Variants in TENM3 observed in about 807,000 individuals in gnomAD.
TENM3 encodes teneurin-3.
TENM3 carries 63 observed loss-of-function variants against 255.1 expected under a neutral mutation model. The observed-to-expected ratio is 0.25, with a 90% CI of 0.20 to 0.30. The LOEUF (loss-of-function observed/expected upper bound fraction) is 0.30, where lower values mean the gene tolerates loss of function less well. TENM3 is among the 10% of genes least tolerant of loss of function. The pLI, the probability that TENM3 is intolerant of heterozygous loss-of-function variation, is 1.00. For missense variants in TENM3, 2,929 were observed against 3,461.1 expected, an observed-to-expected ratio of 0.85 and a Z score of 3.86; for synonymous variants, 1,306 against 1,322.3, an observed-to-expected ratio of 0.99 and a Z score of 0.27.
the TENM3 span, among the ~76,000 whole-genome samples, chr4:181,549,320 C>T: frequency 6.8e-4 from 103 of 152,330 alleles, 1 homozygote; most frequent in South Asian, 0.021. Context: ...TGACTCACAT[C>T]CTCTTTATTC....
intron 3 of TENM3, among the ~76,000 whole-genome samples, chr4:182,411,073 T>TTTAGCATACA (rs1769948470): frequency 6.6e-6 from 1 of 152,030 alleles, no homozygotes; most frequent in Non-Finnish European, 1.5e-5. Context: ...CTGCTGTGAG[T>TTTAGCATACA]CCCTATCGGC....
intron 2 of TENM3, among the ~76,000 whole-genome samples, chr4:182,344,638 C>G (rs1764683819): frequency 6.6e-6 from 1 of 152,008 alleles, no homozygotes; most frequent in African/African-American, 2.4e-5. Context: ...TGTTACTGGC[C>G]TTTTATTTCT....
At chr4:181,889,446 C>T in the TENM3 span, among the ~76,000 whole-genome samples, 1 of 152,186 alleles carries the variant, frequency 6.6e-6, no homozygotes, top group Non-Finnish European at 1.5e-5. Flanking sequence ...AAATAAATCG[C>T]TTTTTCTTTA....
intron 1 of TENM3, among the ~76,000 whole-genome samples, chr4:182,183,279 C>A (rs1211907618): frequency 6.6e-6 from 1 of 152,066 alleles, no homozygotes; most frequent in East Asian, 1.9e-4. Context: ...TGAGAAGAAA[C>A]CAGAATTTTT....
intron 1 of TENM3, among the ~76,000 whole-genome samples, chr4:182,231,820 C>A (rs1278113716): frequency 6.6e-6 from 1 of 152,184 alleles, no homozygotes; most frequent in Non-Finnish European, 1.5e-5. Context: ...CAGCAGACTC[C>A]CAAAGAATTA....
the TENM3 span, among the ~76,000 whole-genome samples, chr4:181,893,705 G>A: frequency 4.6e-5 from 7 of 151,950 alleles, no homozygotes; most frequent in Admixed American, 3.3e-4. Context: ...TTAGTATTTG[G>A]TCCTGTTTCT....
chr4:181,872,115 T>A, the TENM3 span, among the ~76,000 whole-genome samples: 1 of 152,028 alleles, frequency 6.6e-6, no homozygotes, highest in African/African-American at 2.4e-5. Context: ...TTTTGTGTTT[T>A]CTTAAATAAT....
the TENM3 span, among the ~76,000 whole-genome samples, chr4:181,527,150 C>T: frequency 3.3e-5 from 5 of 152,162 alleles, no homozygotes; most frequent in African/African-American, 9.7e-5. Flanking sequence ...AATCTACAAA[C>T]TGTTTTCATG....
At chr4:182,395,242 C>T (rs1187185817) in intron 3 of TENM3, among the ~76,000 whole-genome samples, 2 of 152,098 alleles carry the variant, frequency 1.3e-5, no homozygotes, top group African/African-American at 2.4e-5. Context: ...CATTGAGCCT[C>T]CTATACAGCC....
chr4:181,760,297 T>C, the TENM3 span, among the ~76,000 whole-genome samples: 1 of 152,140 alleles, frequency 6.6e-6, no homozygotes, highest in Non-Finnish European at 1.5e-5. Flanking sequence ...AATTTAGCAG[T>C]TAAATCTGCC....
chr4:182,612,345 T>C (rs1043114736), intron 4 of TENM3, among the ~76,000 whole-genome samples: 1 of 151,920 alleles, frequency 6.6e-6, no homozygotes, highest in East Asian at 1.9e-4. Flanking sequence ...TTGTATTTAC[T>C]TAAACACACA....
the TENM3 span, among the ~76,000 whole-genome samples, chr4:181,760,924 GCTTT>G: frequency 6.7e-6 from 1 of 148,706 alleles, no homozygotes; most frequent in Non-Finnish European, 1.5e-5. Context: ...GATTATTTAT[GCTTT>G]CTTTGATTTT....
At chr4:182,145,044 C>G (rs1749848049) in intron 1 of TENM3, 1 of 152,200 alleles carries the variant, frequency 6.6e-6, no homozygotes, top group South Asian at 2.1e-4. Flanking sequence ...CCCCGGGGTC[C>G]CTGAGGAAGG....
chr4:182,611,383 T>C (rs1279261281), intron 4 of TENM3, among the ~76,000 whole-genome samples: 1 of 151,342 alleles, frequency 6.6e-6, no homozygotes, highest in African/African-American at 2.4e-5. Context: ...ATGATGTATT[T>C]AATTATTAAA....
chr4:182,301,414 C>G (rs537039438), intron 1 of TENM3, among the ~76,000 whole-genome samples: 1 of 152,194 alleles, frequency 6.6e-6, no homozygotes, highest in African/African-American at 2.4e-5. Context: ...TTCCTCCCCC[C>G]ATTCAGCACA....
rs1561169609 is a variant in TENM3 at position 182,176,821 on chromosome 4, A to AATTTTTTTTTTTTTTTTTTTTTTTTT, written c.-76+32067_-76+32068insATTTTTTTTTTTTTTTTTTTTTTTTT. 3.5e-5 allele frequency among the ~76,000 whole-genome samples: 4 copies of AATTTTTTTTTTTTTTTTTTTTTTTTT among 113,358 alleles called. 1 individual carries two copies. Among genetic ancestry groups the AATTTTTTTTTTTTTTTTTTTTTTTTT allele is most frequent in the African/African-American group, 6.6e-5 (2 of 30,416 alleles). The allele number at this position is 113,358 out of a possible 152,430, so 74.4% of individuals were successfully genotyped here. On this transcript the variant is annotated intron_variant, in intron 1 of 2. Transcript: ENST00000512480. ...GGACTACTAAATTAGCATCCGGCTA[A>AATTTTTTTTTTTTTTTTTTTTTTTTT]TTTTTTTTTTTTTTTTTTTTTTTTT... is the stretch of plus-strand genomic sequence containing the variant.
intron 3 of TENM3, among the ~76,000 whole-genome samples, chr4:182,579,025 C>T (rs944661336): frequency 2.0e-5 from 3 of 152,184 alleles, no homozygotes; most frequent in Admixed American, 6.5e-5. Context: ...TTTGTGTTCT[C>T]GCTGTCTCAG....
the TENM3 span, among the ~76,000 whole-genome samples, chr4:181,458,147 T>C: frequency 6.6e-6 from 1 of 151,972 alleles, no homozygotes; most frequent in South Asian, 2.1e-4. Flanking sequence ...TGTATCCTCA[T>C]ATATAGTGTT....
intron 1 of TENM3, among the ~76,000 whole-genome samples, chr4:182,305,520 AAG>A (rs1762083734): frequency 6.6e-6 from 1 of 152,198 alleles, no homozygotes; most frequent in Non-Finnish European, 1.5e-5. Context: ...CAGATCATGG[AAG>A]AGAGTTATTA....
Sources: gnomAD v4.1 joint callset for allele counts (sites outside exome capture counted in the v4.1 genomes callset) on GRCh38, gnomAD v4.1.1 for gene constraint, MANE v1.5 for transcripts, NCBI Gene and HGNC (gene_info 2026-07-23, HGNC 2026-07-21) for gene names.